Variants in CWH43 observed in about 807,000 individuals in gnomAD.
CWH43 encodes cell wall biogenesis 43 C-terminal homolog.
In CWH43, 91 loss-of-function variants were observed where a neutral mutation model predicts 85.7. The ratio of observed to expected loss-of-function variants is 1.06; its 90% CI spans 0.90 to 1.26. CWH43 has a LOEUF of 1.26. CWH43 is among the 50% of genes most tolerant of loss of function. The pLI, the probability that CWH43 is intolerant of heterozygous loss-of-function variation, is 0.00. For synonymous variants in CWH43, 323 were observed against 293.6 expected (o/e 1.10, Z -1.02); for missense variants, 869 against 839.2 (o/e 1.04, Z -0.44).
chr4:48,998,655 A>G, intron 6 of CWH43, 107 bp downstream of exon 6: 1 of 819,526 alleles, frequency 1.2e-6, no homozygotes, highest in Non-Finnish European at 2.1e-6. Context: ...ACAAATATGT[A>G]CTGTGGCCAA....
chr4:49,039,922 A>T (rs1784404604), intron 13 of CWH43, among the ~76,000 whole-genome samples: 1 of 151,084 alleles, frequency 6.6e-6, no homozygotes, highest in Non-Finnish European at 1.5e-5. Flanking sequence ...CAGTCTCCAG[A>T]GTGTGATGTT....
At position 49,061,833 on chromosome 4, in the gene CWH43, A is replaced by G. The variant is rs147377826; in HGVS notation, c.2043A>G (p.Gly681=). ...FNPRFGSYKE[G]HNYENNHHFH... is the part of the protein sequence containing the mutation. ...TTAGATTTGGATCCTACAAAGAAGG[A>G]CACAATTATGAAAACAACCATCATT... The change falls in exon 16 of 16, where the codon GGA becomes GGG. Residue 681 remains glycine (G), a synonymous_variant. Transcript: ENST00000226432. The G allele has an allele frequency of 2.2e-6, 3 of 1,394,490 alleles. No homozygotes were observed. Among genetic ancestry groups the G allele is most frequent in the Non-Finnish European group, 1.9e-6 (2 of 1,048,856 alleles). The allele number at this position is 1,394,490 out of a possible 1,614,324, so 86.4% of individuals were successfully genotyped here.
chr4:49,061,874 C>T lies in CWH43; in HGVS notation c.2084C>T (p.Pro695Leu). 7.3e-7 allele frequency: 1 copy of T among 1,377,892 alleles called. No individual in the cohort carries two copies. Among genetic ancestry groups the T allele is most frequent in the Non-Finnish European group, 9.6e-7 (1 of 1,036,812 alleles). The allele number at this position is 1,377,892 out of a possible 1,614,324, so 85.4% of individuals were successfully genotyped here. ...ENNHHFHMNT[P>L]KYFL ...AACCATCATTTTCATATGAATACTCCCAAATACTTTTTATGAAACATTTAA... is the reference window on the plus strand; with the variant it reads ...AACCATCATTTTCATATGAATACTCTCAAATACTTTTTATGAAACATTTAA... Residue 695 changes from proline to leucine, a missense_variant, in exon 16 of 16, where the codon CCC becomes CTC. Pro to Leu is a moderately conservative substitution (Grantham distance 98). Transcript: ENST00000226432.
intron 8 of CWH43, among the ~76,000 whole-genome samples, chr4:49,012,467 C>A (rs542267256): frequency 6.6e-6 from 1 of 152,334 alleles, no homozygotes; most frequent in Non-Finnish European, 1.5e-5. Context: ...CTGAAGCTTA[C>A]TTCTGTCAAC....
chr4:49,036,968 C>T (rs1372658877), intron 12 of CWH43, among the ~76,000 whole-genome samples: 1 of 152,156 alleles, frequency 6.6e-6, no homozygotes, highest in Non-Finnish European at 1.5e-5. Flanking sequence ...CTTGTTTTCC[C>T]TGTAGCTGTA....
chr4:49,007,235 A>T lies in CWH43; in HGVS notation c.1095A>T (p.Leu365=). ...TGTTAATTATCGGGCTGAATATGCT[A>T]TTTGGTCCTAAGAAAAACCTTGACT... ...TMMLIIGLNM[L]FGPKKNLDLL... The change falls in exon 8 of 16, where the codon CTA becomes CTT. Residue 365 remains leucine, a synonymous_variant. Transcript: ENST00000226432. 1 of 1,611,822 alleles carries T rather than the reference A, an allele frequency of 6.2e-7. No homozygotes were observed. Among genetic ancestry groups the T allele is most frequent in the Non-Finnish European group, 8.5e-7 (1 of 1,178,918 alleles).
At chr4:48,986,806 C>T (rs544521561) in intron 1 of CWH43, 2 of 1,183,048 alleles carry the variant, frequency 1.7e-6, no homozygotes, top group Admixed American at 4.6e-5. Context: ...CAAAGCCCCC[C>T]ACCCGTGGCC....
chr4:49,048,274 G>A (rs1397464483), intron 14 of CWH43, among the ~76,000 whole-genome samples: 5 of 151,438 alleles, frequency 3.3e-5, no homozygotes, highest in African/African-American at 4.9e-5. Flanking sequence ...TGGGATGGCA[G>A]AGTTTATATA....
At chr4:49,050,892 T>A (rs748481638) in intron 15 of CWH43, 43 bp downstream of exon 15, 1 of 1,447,172 alleles carries the variant, frequency 6.9e-7, no homozygotes, top group African/African-American at 1.4e-5. Context: ...AGCTACTGCA[T>A]CCCTCTATGG....
Position 49,028,675 on chromosome 4 carries a change from G to C in CWH43, c.1313G>C (p.Gly438Ala). Residue 438 changes from glycine (G) to alanine (A), a missense_variant, in exon 10 of 16, where the codon GGA (glycine) becomes GCA (alanine). Coordinates refer to ENST00000226432, the MANE Select transcript of CWH43 (RefSeq NM_025087.3). ...VSAAIWPFRF[G>A]YDNEGWSSLE... is the part of the protein sequence containing the mutation. The stretch of plus-strand genomic sequence containing the variant: ...GCTGCCATCTGGCCTTTCAGGTTTG[G>C]ATATGACAATGAAGGGTGGTCTAGT... 6.2e-7 allele frequency: 1 copy of C among 1,614,000 alleles called. No homozygotes were observed. Among genetic ancestry groups the C allele is most frequent in the African/African-American group, 1.3e-5 (1 of 75,044 alleles).
intron 9 of CWH43, among the ~76,000 whole-genome samples, chr4:49,021,086 T>C (rs1783738467): frequency 6.6e-6 from 1 of 152,204 alleles, no homozygotes; most frequent in Non-Finnish European, 1.5e-5. Context: ...ATCTTTGGTT[T>C]TGTTGCATTT....
At chr4:49,022,431 T>C (rs966956908) in intron 9 of CWH43, among the ~76,000 whole-genome samples, 1 of 152,212 alleles carries the variant, frequency 6.6e-6, no homozygotes, top group Non-Finnish European at 1.5e-5. Context: ...CTTTTTGATA[T>C]GCTGGTGGAT....
chr4:48,994,677 C>T lies in CWH43; in HGVS notation c.570C>T (p.Ala190=). The T allele has an allele frequency of 6.2e-7, 1 of 1,614,200 alleles. No individual in the cohort carries two copies. The highest frequency in any genetic ancestry group is 8.5e-7 in the Non-Finnish European group (1 of 1,180,028). ...CTGGTGAGGTAGCCACGGGGATGGC[C>T]TCTAGACCCAACTGGCTGCTGGCAG... The part of the protein sequence containing the change: ...KKTGEVATGM[A]SRPNWLLAGA... The change falls in exon 5 of 16, where the codon GCC becomes GCT. Residue 190 remains alanine, a synonymous_variant. Coordinates refer to ENST00000226432, the MANE Select transcript of CWH43 (RefSeq NM_025087.3).
intron 14 of CWH43, among the ~76,000 whole-genome samples, chr4:49,045,896 T>C (rs1298146084): frequency 6.6e-6 from 1 of 152,094 alleles, no homozygotes; most frequent in Non-Finnish European, 1.5e-5. Flanking sequence ...AATCCTCTTT[T>C]CTATTTGAAA....
At chr4:49,034,965 G>A (rs1209032288) in intron 12 of CWH43, among the ~76,000 whole-genome samples, 1 of 152,170 alleles carries the variant, frequency 6.6e-6, no homozygotes, top group East Asian at 1.9e-4. Context: ...TGTCAAACAT[G>A]AATCAAGCAT....
intron 6 of CWH43, 35 bp downstream of exon 6, chr4:48,998,583 G>A: frequency 6.8e-7 from 1 of 1,466,664 alleles, no homozygotes; most frequent in Non-Finnish European, 9.6e-7. Context: ...GAACACGACT[G>A]AGCTTGGTTA....
At chr4:49,054,548 T>A (rs922428586) in intron 15 of CWH43, among the ~76,000 whole-genome samples, 1 of 152,146 alleles carries the variant, frequency 6.6e-6, no homozygotes, top group African/African-American at 2.4e-5. Flanking sequence ...GTGAAAAATG[T>A]CATTGGAATT....
intron 4 of CWH43, among the ~76,000 whole-genome samples, chr4:48,993,084 T>C (rs1312521806): frequency 1.3e-5 from 2 of 152,198 alleles, no homozygotes; most frequent in Non-Finnish European, 2.9e-5. Context: ...CTATCTGGCC[T>C]CTGTTTTAAA....
At position 48,988,536 on chromosome 4, in the gene CWH43, C is replaced by T; in HGVS notation, c.103C>T (p.Gln35Ter). 3.1e-6 allele frequency: 5 copies of T among 1,612,788 alleles called. No individual in the cohort carries two copies. Among genetic ancestry groups the T allele is most frequent in the Non-Finnish European group, 4.2e-6 (5 of 1,179,382 alleles). The stretch of plus-strand genomic sequence containing the variant: ...ACCGATGATCTATTACTTTCCTTTG[C>T]AAACACTAGAACTCACTGGGCTTGA... ...LGPMIYYFPL[Q>*]TLELTGLEGF... The change falls in exon 2 of 16, where the codon CAA becomes TAA. Residue 35 changes from glutamine (Q) to a stop codon, truncating the protein, a stop_gained. Transcript: ENST00000226432. LOFTEE classifies it high-confidence loss of function.
Sources: gnomAD v4.1 joint callset for allele counts (sites outside exome capture counted in the v4.1 genomes callset) on GRCh38, gnomAD v4.1.1 for gene constraint, MANE v1.5 for transcripts, NCBI Gene and HGNC (gene_info 2026-07-23, HGNC 2026-07-21) for gene names.